Variants in PNPLA3 observed in about 807,000 individuals in gnomAD.
PNPLA3 encodes the protein 1-acylglycerol-3-phosphate O-acyltransferase PNPLA3.
PNPLA3 carries 42 observed loss-of-function variants against 43.1 expected under a neutral mutation model. That is an observed-to-expected ratio of 0.97 (90% CI 0.76 to 1.26). PNPLA3 has a LOEUF of 1.26. PNPLA3 is among the 50% of genes most tolerant of loss of function. The pLI is 0.00. For missense variants in PNPLA3, 647 were observed against 621.4 expected (o/e 1.04, Z -0.44); for synonymous variants, 272 against 253.6 (o/e 1.07, Z -0.69).
chr22:43,938,319 C>A (rs953203549), intron 6 of PNPLA3, among the ~76,000 whole-genome samples: 4 of 152,164 alleles, frequency 2.6e-5, no homozygotes, highest in Non-Finnish European at 1.5e-5. Flanking sequence ...TGGGACACAG[C>A]AGCTGCCCAG....
In PNPLA3 at chr22:43,924,097, G is replaced by A. The variant is rs749512715; in HGVS notation, c.186G>A (p.Leu62=). 1 of 1,548,794 alleles carries A rather than the reference G, an allele frequency of 6.5e-7. No individual in the cohort carries two copies. The highest frequency in any genetic ancestry group is 2.6e-5 in the East Asian group (1 of 39,072). ...TCGGCGTCCTCTCCGGTATCCCGCT[G>A]GGTGCGTCTGGGGACGCTGCCCGGG... ...HCVGVLSGIP[L]EQTLQVLSDL... is the part of the protein sequence containing the mutation. Residue 62 remains leucine (L), a splice_region_variant and synonymous_variant, in exon 1 of 9, where the codon CTG becomes CTA. Transcript: ENST00000216180.
Position 43,946,518 on chromosome 22 carries a change from T to C in PNPLA3, c.*136T>C. The C allele has an allele frequency of 1.1e-6, 1 of 906,482 alleles. No individual in the cohort carries two copies. The highest frequency in any genetic ancestry group is 1.8e-6 in the Non-Finnish European group (1 of 567,522). The allele number at this position is 906,482 out of a possible 1,614,324, so 56.2% of individuals were successfully genotyped here. ...GATCCCAGCCTCTGAGCTGAGTTGG[T>C]TTTATGAAAAGCTAGGAAGCAACCT... On this transcript the variant is annotated 3_prime_UTR_variant, in exon 9 of 9. Transcript: ENST00000216180.
chr22:43,930,022 T>C (rs983519646), intron 3 of PNPLA3, among the ~76,000 whole-genome samples: 2 of 152,172 alleles, frequency 1.3e-5, no homozygotes, highest in African/African-American at 2.4e-5. Flanking sequence ...AATACTAGCC[T>C]TTTAGGGTAA....
chr22:43,938,884 A>G (rs559132566), intron 6 of PNPLA3, among the ~76,000 whole-genome samples: 2 of 152,318 alleles, frequency 1.3e-5, no homozygotes, highest in Non-Finnish European at 2.9e-5. Flanking sequence ...AGTACCTAGG[A>G]GAACATAGAT....
intron 2 of PNPLA3, among the ~76,000 whole-genome samples, chr22:43,928,084 C>T (rs891146253): frequency 8.5e-5 from 13 of 152,284 alleles, no homozygotes; most frequent in Admixed American, 2.0e-4. Flanking sequence ...TTTGTAATAC[C>T]AAAACACCAT....
intron 3 of PNPLA3, 51 bp downstream of exon 3, chr22:43,928,940 G>T (rs772043348): frequency 6.6e-7 from 1 of 1,526,694 alleles, no homozygotes; most frequent in South Asian, 1.1e-5. Flanking sequence ...TCTGAAGTGT[G>T]CTCACACATC....
intron 2 of PNPLA3, among the ~76,000 whole-genome samples, 166 bp from the exon 3 acceptor site, chr22:43,928,658 G>A (rs1205976407): frequency 6.9e-5 from 8 of 115,940 alleles, no homozygotes; most frequent in East Asian, 2.2e-4. Flanking sequence ...CCTGAAGTCC[G>A]AGGGTGTATG....
chr22:43,929,932 T>C (rs1385962729), intron 3 of PNPLA3, among the ~76,000 whole-genome samples: 2 of 152,212 alleles, frequency 1.3e-5, no homozygotes, highest in Non-Finnish European at 2.9e-5. Flanking sequence ...AACAAAAATC[T>C]GTCAGCCTGG....
chr22:43,931,641 G>A (rs932804954), intron 3 of PNPLA3, among the ~76,000 whole-genome samples: 9 of 151,982 alleles, frequency 5.9e-5, no homozygotes, highest in African/African-American at 2.2e-4. Flanking sequence ...TCAGCCTCCC[G>A]AGCAGCTGAG....
intron 6 of PNPLA3, among the ~76,000 whole-genome samples, chr22:43,938,065 C>G (rs2401512): frequency 0.2 from 30,918 of 152,056 alleles, 3,667 homozygotes; most frequent in East Asian, 0.4. Context: ...TATGAAGAAG[C>G]AGGCCCTCAC....
At chr22:43,944,629 A>G (rs1236826603) in intron 7 of PNPLA3, 62 bp from the exon 8 acceptor site, 1 of 1,312,890 alleles carries the variant, frequency 7.6e-7, no homozygotes, top group Non-Finnish European at 1.1e-6. Flanking sequence ...AACAAAGGGT[A>G]GTGTTGTAAG....
In PNPLA3 at chr22:43,944,762, C is replaced by T; in HGVS notation, c.1184C>T (p.Thr395Ile). ...CAGTGGGTGACCTCACAGGTGTTCA[C>T]TCGAGTGCTGATGTGTCTGCTCCCC... ...WLQWVTSQVF[T>I]RVLMCLLPAS... The change falls in exon 8 of 9, where the codon ACT becomes ATT. Residue 395 changes from threonine to isoleucine, a missense_variant. Physicochemically the swap from Thr to Ile is moderately conservative, Grantham distance 89 (BLOSUM62 -1). Transcript: ENST00000216180. 1.2e-6 allele frequency: 2 copies of T among 1,614,172 alleles called. No homozygotes were observed. The highest frequency in any genetic ancestry group is 1.3e-5 in the African/African-American group (1 of 75,052).
intron 5 of PNPLA3, 140 bp from the exon 6 acceptor site, chr22:43,936,911 T>C: frequency 1.5e-6 from 1 of 684,886 alleles, no homozygotes; most frequent in South Asian, 1.7e-5. Flanking sequence ...CCTGTGCTCG[T>C]TCTCTTCCCT....
intron 3 of PNPLA3, among the ~76,000 whole-genome samples, chr22:43,929,635 C>T (rs1177633851): frequency 3.7e-5 from 5 of 133,428 alleles, no homozygotes; most frequent in Non-Finnish European, 7.7e-5. Flanking sequence ...CTGGCTCTGT[C>T]GCCCAGGCTG....
chr22:43,946,106 T>G (rs2294917), intron 8 of PNPLA3, 48 bp from the exon 9 acceptor site: 126 of 1,567,534 alleles, frequency 8.0e-5, no homozygotes, highest in Middle Eastern at 3.3e-4. Context: ...GACTGCACAC[T>G]GCAGCAGCGG....
intron 6 of PNPLA3, 133 bp from the exon 7 acceptor site, chr22:43,939,860 G>A (rs989635318): frequency 1.4e-5 from 18 of 1,260,364 alleles, no homozygotes; most frequent in South Asian, 5.1e-5. Context: ...CCACCTTGTC[G>A]CTTTTGTGAG....
At position 43,927,080 on chromosome 22, in the gene PNPLA3, C is replaced by G; in HGVS notation, c.333C>G (p.Ser111=). The G allele has an allele frequency of 6.2e-7, 1 of 1,614,234 alleles. No homozygotes were observed. Among genetic ancestry groups the G allele is most frequent in the Non-Finnish European group, 8.5e-7 (1 of 1,180,042 alleles). The change falls in exon 2 of 9, where the codon TCC becomes TCG. Residue 111 remains serine, a synonymous_variant. Coordinates refer to ENST00000216180, the MANE Select transcript of PNPLA3 (RefSeq NM_025225.3). ...CGGCCAATGTCCACCAGCTCATCTCCGGCAAAATAGGCATCTCTCTTACCA... is the reference window on the plus strand; with the variant it reads ...CGGCCAATGTCCACCAGCTCATCTCGGGCAAAATAGGCATCTCTCTTACCA... ...CLPANVHQLI[S]GKIGISLTRV...
At chr22:43,933,287 C>A (rs1395154144) in intron 4 of PNPLA3, among the ~76,000 whole-genome samples, 200 bp downstream of exon 4, 1 of 152,176 alleles carries the variant, frequency 6.6e-6, no homozygotes, top group Non-Finnish European at 1.5e-5. Flanking sequence ...GGAACATATA[C>A]CCAGACCTAA....
At chr22:43,939,173 A>G (rs910396397) in intron 6 of PNPLA3, among the ~76,000 whole-genome samples, 97 of 152,026 alleles carry the variant, frequency 6.4e-4, no homozygotes, top group African/African-American at 2.3e-3. Context: ...TGATCCAACA[A>G]CTTCAGCCTC....
Sources: allele counts gnomAD v4.1 joint callset (sites outside exome capture counted in the v4.1 genomes callset), GRCh38; gene constraint gnomAD v4.1.1; transcripts MANE v1.5; gene names NCBI Gene and HGNC (gene_info 2026-07-23, HGNC 2026-07-21).